Variants in NFASC observed in about 807,000 individuals in gnomAD.
The protein encoded by NFASC is neurofascin homolog.
In NFASC, 43 loss-of-function variants were observed where a neutral mutation model predicts 147.5. The ratio of observed to expected loss-of-function variants is 0.29; its 90% confidence interval spans 0.23 to 0.38. The LOEUF is 0.38. Ranked by LOEUF, NFASC falls within the 10% of genes least tolerant of loss-of-function variation. The pLI is 1.00. For missense variants in NFASC, 1,320 were observed against 1,689.0 expected, an observed-to-expected ratio of 0.78 and a Z score of 3.83; for synonymous variants, 622 against 665.5, an observed-to-expected ratio of 0.93 and a Z score of 1.01.
chr1:204,934,881 G>A (rs1422211929), intron 2 of NFASC, among the ~76,000 whole-genome samples: 1 of 152,222 alleles, frequency 6.6e-6, no homozygotes, highest in South Asian at 2.1e-4. Context: ...TATGGGCACT[G>A]TGGACGGGAG....
intron 2 of NFASC, among the ~76,000 whole-genome samples, chr1:204,923,498 A>G (rs575716939): frequency 1.3e-5 from 2 of 152,084 alleles, no homozygotes; most frequent in East Asian, 1.9e-4. Context: ...CAGGCCTTCA[A>G]TTTCCCAAAA....
chr1:204,851,598 G>A (rs186950010), intron 1 of NFASC, among the ~76,000 whole-genome samples: 39 of 152,094 alleles, frequency 2.6e-4, no homozygotes, highest in African/African-American at 8.7e-4. Flanking sequence ...CTCCCAAAGC[G>A]CTGGAATTAG....
At chr1:204,886,311 A>T (rs74549300) in intron 1 of NFASC, among the ~76,000 whole-genome samples, 6,693 of 152,166 alleles carry the variant, frequency 0.044, 391 homozygotes, top group African/African-American at 0.14. Flanking sequence ...TATGATTTTT[A>T]AAAAAAATTA....
chr1:204,991,062 A>G (rs12755621), intron 23 of NFASC, among the ~76,000 whole-genome samples: 1 of 152,294 alleles, frequency 6.6e-6, no homozygotes, highest in South Asian at 2.1e-4. Flanking sequence ...GCCCAGGTGG[A>G]AAGGTTTCTG....
Position 204,954,376 on chromosome 1 carries a change from A to T in NFASC, c.404A>T (p.Gln135Leu), listed in dbSNP as rs767347952. The T allele has an allele frequency of 8.7e-6, 14 of 1,613,844 alleles. 1 individual carries two copies. The South Asian group carries it at 1.3e-4, about 15-fold the overall frequency. ...GCCCTGTCCAATAGGATCCGCCTGC[A>T]GGTGTCTAGTGAGTAGCGTGGGGCA... Reference protein sequence around the residue: ...GTALSNRIRLQVSKSPLWPKE... With the variant: ...GTALSNRIRLLVSKSPLWPKE... Residue 135 changes from glutamine (Q) to leucine (L), a missense_variant, in exon 6 of 30, where the codon CAG becomes CTG. Physicochemically the swap from Gln to Leu is moderately radical, Grantham distance 113. Coordinates refer to ENST00000339876, the MANE Select transcript of NFASC (RefSeq NM_001005388.3). This position sits in a 1 kb window ranked among gnomAD's most constrained non-coding sequence, Gnocchi z 5.7.
intron 1 of NFASC, among the ~76,000 whole-genome samples, chr1:204,860,181 C>T (rs1406578786): frequency 2.0e-5 from 3 of 152,174 alleles, no homozygotes; most frequent in Admixed American, 1.3e-4. Flanking sequence ...AATCAAATGG[C>T]CATGATACTG....
intron 1 of NFASC, among the ~76,000 whole-genome samples, chr1:204,849,887 G>T (rs2075520064): frequency 6.6e-6 from 1 of 152,174 alleles, no homozygotes; most frequent in African/African-American, 2.4e-5. Context: ...ATTCATCCAT[G>T]TATGTATCCA....
intron 1 of NFASC, among the ~76,000 whole-genome samples, chr1:204,854,698 C>G (rs995393151): frequency 2.0e-5 from 3 of 152,228 alleles, no homozygotes; most frequent in African/African-American, 7.2e-5. Flanking sequence ...ACTTTCTGCT[C>G]CTTTCACTTG....
chr1:204,978,797 T>C lies in NFASC; in HGVS notation c.1877-171T>C, dbSNP rs1010653299. ...TCAGGAGTCTCCTCTTTGTTTTCCCTTGGGCCCCTGTGGGAAGGGAGTGGT... is the reference window on the plus strand; with the variant it reads ...TCAGGAGTCTCCTCTTTGTTTTCCCCTGGGCCCCTGTGGGAAGGGAGTGGT... On this transcript the variant is annotated intron_variant, in intron 17 of 29. Coordinates refer to ENST00000339876, the MANE Select transcript of NFASC (RefSeq NM_001005388.3). 1.4e-4 allele frequency among the ~76,000 whole-genome samples: 22 copies of C among 152,212 alleles called. 1 individual carries two copies. Among genetic ancestry groups the C allele is most frequent in the Admixed American group, 1.2e-3 (18 of 15,290 alleles).
At chr1:204,861,300 A>G (rs967328015) in intron 1 of NFASC, among the ~76,000 whole-genome samples, 2 of 151,706 alleles carry the variant, frequency 1.3e-5, no homozygotes, top group African/African-American at 4.8e-5. Flanking sequence ...TGTTGCCCAG[A>G]TTGGCCTGCA....
chr1:204,870,701 G>T, intron 1 of NFASC: 3 of 1,096,628 alleles, frequency 2.7e-6, no homozygotes, highest in Non-Finnish European at 2.2e-6. Context: ...CGAGGGAGGG[G>T]TGAGTGGTTA....
intron 8 of NFASC, among the ~76,000 whole-genome samples, chr1:204,965,363 C>T (rs535865764): frequency 6.6e-6 from 1 of 152,320 alleles, no homozygotes; most frequent in East Asian, 1.9e-4. Context: ...CAGTGGCTCT[C>T]AAAGCCACCA....
chr1:204,866,515 A>G (rs1308572144), intron 1 of NFASC, among the ~76,000 whole-genome samples: 2 of 152,188 alleles, frequency 1.3e-5, no homozygotes, highest in African/African-American at 4.8e-5. Flanking sequence ...GAGTCCAGAA[A>G]GGGTAAAAGG....
intron 1 of NFASC, among the ~76,000 whole-genome samples, chr1:204,876,487 T>C (rs756168505): frequency 3.3e-5 from 5 of 152,338 alleles, no homozygotes; most frequent in Non-Finnish European, 7.3e-5. Flanking sequence ...TATTTTTAAA[T>C]GTACAGTTTG....
At chr1:204,948,684 C>T (rs754554075) in intron 3 of NFASC, 2 of 518,968 alleles carry the variant, frequency 3.9e-6, no homozygotes, top group Non-Finnish European at 3.8e-6. Context: ...GGCCGAGAGA[C>T]TTCTTCCTTG....
In NFASC at chr1:205,009,419, CA is replaced by C. The variant is rs745942035; in HGVS notation, c.3290-137del. The C allele has an allele frequency of 4.2e-5, 39 of 923,156 alleles. 1 individual carries two copies. Among genetic ancestry groups the C allele is most frequent in the Middle Eastern group, 4.2e-4 (2 of 4,770 alleles). The allele number at this position is 923,156 out of a possible 1,614,324, so 57.2% of individuals were successfully genotyped here. The stretch of plus-strand genomic sequence containing the variant: ...TGTCCTTTAGCAGGGTAGTTTGGGC[CA>C]GGGGGCTGCTAGGTGGTAGTGTTAG... On this transcript the variant is annotated intron_variant, in intron 27 of 29. Coordinates refer to ENST00000339876, the MANE Select transcript of NFASC (RefSeq NM_001005388.3).
chr1:204,944,381 C>T lies in NFASC; in HGVS notation c.66C>T (p.Gly22=), dbSNP rs138639366. Residue 22 remains glycine (G), a synonymous_variant, in exon 3 of 30, where the codon GGC becomes GGT. Coordinates refer to ENST00000339876, the MANE Select transcript of NFASC (RefSeq NM_001005388.3). ...TCCTCCTCTGCCTCCTCAGTCTTGG[C>T]GGAGCCATCGAAATTCCTATGGATC... ...AAFLLCLLSL[G]GAIEIPMDPS... 90 of 1,448,828 alleles carry T rather than the reference C, an allele frequency of 6.2e-5. No individual in the cohort carries two copies. The African/African-American group carries it at 1.1e-3, about 17-fold the overall frequency. 89.7% of individuals were successfully genotyped at this position (1,448,828 alleles called of 1,614,324 possible). A position where few individuals can be genotyped will look rare whatever the true frequency, so the allele number is the denominator to read the frequency against.
chr1:204,968,256 A>T lies in NFASC; in HGVS notation c.714A>T (p.Gly238=). The change falls in exon 9 of 30, where the codon GGA becomes GGT. Residue 238 remains glycine, a synonymous_variant. Coordinates refer to ENST00000339876, the MANE Select transcript of NFASC (RefSeq NM_001005388.3). This position sits in a 1 kb window ranked among gnomAD's most constrained non-coding sequence, Gnocchi z 5.4. ...TGTTCTCTCCTGTTTCAGCCCGAGG[A>T]GTTGCAGAAAGAACACCAAGCTTCA... ...PFTLKVLTTR[G]VAERTPSFMY... is the part of the protein sequence containing the mutation. 2.5e-6 allele frequency: 4 copies of T among 1,613,484 alleles called. No homozygotes were observed. The highest frequency in any genetic ancestry group is 2.2e-5 in the East Asian group (1 of 44,872).
rs1553266033 is a variant in NFASC at position 204,939,038 on chromosome 1, A to ATGGATGTGTGTGTGTGTGTGTG, written c.-90-5186_-90-5185insGATGTGTGTGTGTGTGTGTGTG. On this transcript the variant is annotated intron_variant, in intron 2 of 29. Transcript: ENST00000339876. The stretch of plus-strand genomic sequence containing the variant: ...TTCTCTTTTCTTCCTGTATGGATGG[A>ATGGATGTGTGTGTGTGTGTGTG]TGTGTGTGTGTGTGTGTGTGTGTGT... 1.5e-4 allele frequency among the ~76,000 whole-genome samples: 18 copies of ATGGATGTGTGTGTGTGTGTGTG among 123,750 alleles called. 1 individual carries two copies. Among genetic ancestry groups the ATGGATGTGTGTGTGTGTGTGTG allele is most frequent in the Non-Finnish European group, 2.6e-4 (15 of 58,444 alleles). 81.2% of individuals were successfully genotyped at this position (123,750 alleles called of 152,430 possible). A position where few individuals can be genotyped will look rare whatever the true frequency, so the allele number is the denominator to read the frequency against.
Sources: gnomAD v4.1 joint callset for allele counts (sites outside exome capture counted in the v4.1 genomes callset) on GRCh38, gnomAD v4.1.1 for gene constraint, Gnocchi (gnomAD v3.1) non-coding constraint, MANE v1.5 for transcripts, NCBI Gene and HGNC (gene_info 2026-07-23, HGNC 2026-07-21) for gene names.